GLIS3: variants seen among roughly 807,000 people sequenced by gnomAD.
GLIS3 encodes the protein GLIS family zinc finger 3, also known as zinc finger protein GLIS3.
Under a neutral mutation model 78.6 loss-of-function variants are expected in GLIS3, and 53 were observed. The observed-to-expected ratio is 0.67, with a 90% CI of 0.54 to 0.85. The LOEUF is 0.85. GLIS3 is among the 40% of genes least tolerant of loss of function. GLIS3 has a pLI of 0.00. For synonymous variants in GLIS3, 684 were observed against 509.9 expected, an observed-to-expected ratio of 1.34 and a Z score of -4.60; for missense variants, 1,703 against 1,231.1, an observed-to-expected ratio of 1.38 and a Z score of -5.74.
chr9:3,958,595 G>T (rs1165123029), intron 4 of GLIS3, among the ~76,000 whole-genome samples: 1 of 152,202 alleles, frequency 6.6e-6, no homozygotes, highest in South Asian at 2.1e-4. Flanking sequence ...CACGTGTTGG[G>T]CTTCTACTCT....
chr9:3,972,201 A>C (rs2130926000), intron 4 of GLIS3, among the ~76,000 whole-genome samples: 1 of 152,274 alleles, frequency 6.6e-6, no homozygotes, highest in East Asian at 1.9e-4. Flanking sequence ...GGGAAGATGA[A>C]ACTAGATATA....
chr9:4,241,021 G>T (rs1347241538), intron 2 of GLIS3, among the ~76,000 whole-genome samples: 1 of 151,918 alleles, frequency 6.6e-6, no homozygotes, highest in Non-Finnish European at 1.5e-5. Context: ...GAATCTTAAC[G>T]TGCATTTATT....
At chr9:3,997,015 C>T (rs141703983) in intron 4 of GLIS3, among the ~76,000 whole-genome samples, 6 of 152,026 alleles carry the variant, frequency 3.9e-5, no homozygotes, top group South Asian at 4.1e-4. Context: ...CTATTGAATC[C>T]GAAATTTAAA....
the GLIS3 span, among the ~76,000 whole-genome samples, chr9:4,354,665 T>G: frequency 4.7e-4 from 72 of 152,308 alleles, no homozygotes; most frequent in Non-Finnish European, 8.2e-4. Flanking sequence ...ACTGCGGTCC[T>G]GGGATCAGGA....
At chr9:4,421,802 T>C in the GLIS3 span, among the ~76,000 whole-genome samples, 1 of 152,214 alleles carries the variant, frequency 6.6e-6, no homozygotes, top group South Asian at 2.1e-4. Context: ...GTTAAAATAG[T>C]GAACCAAACA....
intron 4 of GLIS3, among the ~76,000 whole-genome samples, chr9:4,050,165 C>T (rs1825617955): frequency 7.1e-6 from 1 of 141,098 alleles, no homozygotes; most frequent in Non-Finnish European, 1.5e-5. Flanking sequence ...TTATTGCGGC[C>T]TATTCACCAT....
chr9:4,118,777 A>G lies in GLIS3; in HGVS notation c.701T>C (p.Leu234Pro). 6.2e-7 allele frequency: 1 copy of G among 1,612,554 alleles called. No homozygotes were observed. Among genetic ancestry groups the G allele is most frequent in the South Asian group, 1.1e-5 (1 of 91,074 alleles). ...KQEWSQGYRA[L>P]PSLSNHGSQN... ...AGAGCCGTGGTTGGAGAGCGAAGGG[A>G]GGGCCCTGTAGCCCTGGGACCACTC... The change falls in exon 4 of 11, where the codon CTC (leucine) becomes CCC (proline). Residue 234 changes from leucine to proline, a missense_variant. Transcript: ENST00000381971. The surrounding 1 kb of genome is among the most constrained non-coding windows in gnomAD (Gnocchi z 4.7).
intron 2 of GLIS3, among the ~76,000 whole-genome samples, chr9:4,204,045 A>G (rs1819633111): frequency 6.6e-6 from 1 of 152,228 alleles, no homozygotes; most frequent in Admixed American, 6.5e-5. Flanking sequence ...TCAGCATCAC[A>G]CAATATACCC....
At chr9:4,423,351 G>A in the GLIS3 span, among the ~76,000 whole-genome samples, 1 of 152,098 alleles carries the variant, frequency 6.6e-6, no homozygotes, top group Admixed American at 6.6e-5. Flanking sequence ...CTTAGTCTTA[G>A]CTCCCAAGGC....
intron 9 of GLIS3, among the ~76,000 whole-genome samples, chr9:3,837,492 A>G (rs1477835723): frequency 6.6e-6 from 1 of 152,242 alleles, no homozygotes; most frequent in Non-Finnish European, 1.5e-5. Flanking sequence ...AGCATTATTC[A>G]TCACTGCCAA....
chr9:4,273,600 T>C (rs1434161878), intron 2 of GLIS3, among the ~76,000 whole-genome samples: 1 of 84,914 alleles, frequency 1.2e-5, no homozygotes, highest in Non-Finnish European at 2.7e-5. Context: ...CATAAATAAA[T>C]AAATAAATAA....
chr9:4,105,705 A>G (rs911735314), intron 4 of GLIS3, among the ~76,000 whole-genome samples: 1 of 152,150 alleles, frequency 6.6e-6, no homozygotes, highest in Non-Finnish European at 1.5e-5. Context: ...GTTTTGATTT[A>G]CTATCTCAAT....
In GLIS3 at chr9:3,902,226, C is replaced by T. The variant is rs1324325057; in HGVS notation, c.1984-3391G>A. On this transcript the variant is annotated intron_variant, in intron 6 of 10. Coordinates refer to ENST00000381971, the MANE Select transcript of GLIS3 (RefSeq NM_001042413.2). ...GAAAGGGCTTCTTAAATTGAACAAG[C>T]TTAGGAACCTTAAGTAAAATTTCCA... is the stretch of plus-strand genomic sequence containing the variant. 3.3e-5 allele frequency among the ~76,000 whole-genome samples: 5 copies of T among 152,150 alleles called. No homozygotes were observed. The East Asian group carries it at 9.6e-4, about 29-fold the overall frequency.
At chr9:4,414,664 T>A in the GLIS3 span, among the ~76,000 whole-genome samples, 4 of 152,164 alleles carry the variant, frequency 2.6e-5, no homozygotes, top group Non-Finnish European at 5.9e-5. Flanking sequence ...TGTAGTCAGG[T>A]TGCTCAACCA....
chr9:4,293,592 A>G (rs1816215539), intron 1 of GLIS3, among the ~76,000 whole-genome samples: 1 of 152,242 alleles, frequency 6.6e-6, no homozygotes, highest in African/African-American at 2.4e-5. Context: ...GGAAAACATT[A>G]ATCCATTTCT....
rs1203526808 is a variant in GLIS3, at chr9:4,118,873, A to G, written c.605T>C (p.Ile202Thr). The G allele has an allele frequency of 4.4e-6, 7 of 1,601,266 alleles. No homozygotes were observed. The highest frequency in any genetic ancestry group is 2.7e-5 in the African/African-American group (2 of 74,900). ...NIPPSDTRSLISRESLASTTL... is the reference protein window; with the variant it reads ...NIPPSDTRSLTSRESLASTTL... ...CGTGGACGCCAAAGACTCACGCGAA[A>G]TAAGGGACCTGGAACAGCAGCCAGA... The change falls in exon 4 of 11, where the codon ATT becomes ACT. Residue 202 changes from isoleucine to threonine, a missense_variant. Ile to Thr is a moderately conservative substitution (Grantham distance 89). Coordinates refer to ENST00000381971, the MANE Select transcript of GLIS3 (RefSeq NM_001042413.2). The surrounding 1 kb of genome is among the most constrained non-coding windows in gnomAD (Gnocchi z 4.7).
At chr9:4,210,992 T>C (rs1447894381) in intron 2 of GLIS3, among the ~76,000 whole-genome samples, 1 of 152,202 alleles carries the variant, frequency 6.6e-6, no homozygotes, top group Non-Finnish European at 1.5e-5. Flanking sequence ...ATTTGGAATC[T>C]GTACCACACT....
At chr9:4,385,745 GAAAGAAAGAAAGAAAGAAAGAA>G in the GLIS3 span, among the ~76,000 whole-genome samples, 6 of 31,352 alleles carry the variant, frequency 1.9e-4, 2 homozygotes, top group Admixed American at 1.8e-3. Context: ...GAAAAAGAAA[GAAAGAAAGAAAGAAAGAAAGAA>G]AGAAAGAAAG....
intron 2 of GLIS3, among the ~76,000 whole-genome samples, chr9:4,283,123 G>T (rs1827699812): frequency 6.7e-6 from 1 of 150,088 alleles, no homozygotes; most frequent in Admixed American, 6.6e-5. Context: ...ACACACACAG[G>T]AATGCACTTT....
Sources: allele counts gnomAD v4.1 joint callset (sites outside exome capture counted in the v4.1 genomes callset), GRCh38; gene constraint gnomAD v4.1.1; non-coding constraint Gnocchi (gnomAD v3.1); transcripts MANE v1.5; gene names NCBI Gene and HGNC (gene_info 2026-07-23, HGNC 2026-07-21).